Variants in GABBR2 observed in about 807,000 individuals in gnomAD.
GABBR2 encodes the protein gamma-aminobutyric acid type B receptor subunit 2.
A neutral mutation model predicts 105.6 loss-of-function variants in GABBR2; 23 were observed. The ratio of observed to expected loss-of-function variants is 0.22; its 90% CI spans 0.16 to 0.31. The LOEUF (loss-of-function observed/expected upper bound fraction) is 0.31, where lower values mean the gene tolerates loss of function less well. Ranked by LOEUF, GABBR2 falls within the 10% of genes least tolerant of loss-of-function variation. GABBR2 has a pLI of 1.00. For missense variants in GABBR2, 734 were observed against 1,245.5 expected, an observed-to-expected ratio of 0.59 and a Z score of 6.18; for synonymous variants, 478 against 499.7, an observed-to-expected ratio of 0.96 and a Z score of 0.58.
chr9:98,630,339 CACTCAATGAGAG>C (rs1441468972), intron 1 of GABBR2, among the ~76,000 whole-genome samples: 3 of 152,182 alleles, frequency 2.0e-5, no homozygotes, highest in Non-Finnish European at 2.9e-5. Flanking sequence ...TAGGCAAGAT[CACTCAATGAGAG>C]ATGAGGTTGG....
chr9:98,501,144 C>A (rs1226648840), intron 3 of GABBR2, among the ~76,000 whole-genome samples: 4 of 138,842 alleles, frequency 2.9e-5, no homozygotes, highest in African/African-American at 1.0e-4. Flanking sequence ...CCTTCCCCGC[C>A]CCCTGCTCCT....
At chr9:98,411,255 C>T (rs1289254166) in intron 7 of GABBR2, among the ~76,000 whole-genome samples, 1 of 152,214 alleles carries the variant, frequency 6.6e-6, no homozygotes, top group African/African-American at 2.4e-5. Flanking sequence ...CATAAAGCTG[C>T]ATTTTCTCCT....
intron 4 of GABBR2, among the ~76,000 whole-genome samples, chr9:98,494,924 T>C (rs1236096970): frequency 6.6e-6 from 1 of 152,240 alleles, no homozygotes; most frequent in Non-Finnish European, 1.5e-5. Flanking sequence ...CAGGGAGCTA[T>C]TTCAAGTGCC....
intron 5 of GABBR2, among the ~76,000 whole-genome samples, chr9:98,479,982 A>T (rs1320984990): frequency 1.3e-5 from 2 of 152,132 alleles, no homozygotes; most frequent in Non-Finnish European, 2.9e-5. Flanking sequence ...CAAACATTCC[A>T]ACCTGTTAAA....
chr9:98,527,647 C>T (rs566035764), intron 3 of GABBR2, among the ~76,000 whole-genome samples: 1 of 151,900 alleles, frequency 6.6e-6, no homozygotes, highest in Non-Finnish European at 1.5e-5. Flanking sequence ...TAAACCTAAC[C>T]GTTCATGGAA....
intron 17 of GABBR2, 27 bp from the exon 18 acceptor site, chr9:98,293,929 C>T: frequency 3.1e-6 from 4 of 1,282,062 alleles, no homozygotes; most frequent in Non-Finnish European, 4.5e-6. Context: ...AATACCACAA[C>T]ATGTTCGGTT....
Position 98,473,363 on chromosome 9 carries a change from G to A in GABBR2, c.799-17C>T, listed in dbSNP as rs774912833. 2.6e-5 allele frequency: 41 copies of A among 1,549,688 alleles called. No homozygotes were observed. In the East Asian group the frequency reaches 8.5e-4, roughly 32 times the overall value. On this transcript the variant is annotated splice_polypyrimidine_tract_variant and intron_variant, in intron 5 of 18. Coordinates refer to ENST00000259455, the MANE Select transcript of GABBR2 (RefSeq NM_005458.8). ...CTCGTATGCCTGTAAAAGATGGAGT[G>A]ACTATGAGGGCATTGAGAGTCGCAC...
chr9:98,359,638 C>T (rs1161710683), intron 13 of GABBR2, among the ~76,000 whole-genome samples: 1 of 152,156 alleles, frequency 6.6e-6, no homozygotes, highest in Non-Finnish European at 1.5e-5. Flanking sequence ...TCACTGCTTT[C>T]AGAGTCGACA....
At chr9:98,668,964 T>C (rs1830373163) in intron 1 of GABBR2, among the ~76,000 whole-genome samples, 2 of 151,888 alleles carry the variant, frequency 1.3e-5, no homozygotes, top group African/African-American at 4.8e-5. Flanking sequence ...AACACTTAGG[T>C]TGAGTCCCCT....
intron 1 of GABBR2, among the ~76,000 whole-genome samples, chr9:98,585,516 A>T (rs1829058944): frequency 1.3e-5 from 2 of 149,978 alleles, no homozygotes; most frequent in South Asian, 4.3e-4. Context: ...GGGGAGGGAT[A>T]GCATTAGGAG....
chr9:98,364,222 T>A (rs2572364), intron 12 of GABBR2, among the ~76,000 whole-genome samples: 3 of 152,028 alleles, frequency 2.0e-5, no homozygotes, highest in Non-Finnish European at 2.9e-5. Flanking sequence ...AGCTTAACTC[T>A]CACCCTCTGG....
chr9:98,309,040 C>T (rs1209573697), intron 14 of GABBR2, among the ~76,000 whole-genome samples: 1 of 152,158 alleles, frequency 6.6e-6, no homozygotes, highest in Non-Finnish European at 1.5e-5. Context: ...GTGTGCTTCT[C>T]CCAGCCTTGA....
At chr9:98,441,059 A>G (rs1224064265) in intron 7 of GABBR2, among the ~76,000 whole-genome samples, 2 of 152,260 alleles carry the variant, frequency 1.3e-5, no homozygotes, top group Non-Finnish European at 2.9e-5. Flanking sequence ...TAATTGTACT[A>G]TTTACTTTAA....
chr9:98,410,323 G>A (rs148062432), intron 7 of GABBR2, among the ~76,000 whole-genome samples: 10 of 152,172 alleles, frequency 6.6e-5, no homozygotes, highest in African/African-American at 1.4e-4. Context: ...TCTGGCCGGG[G>A]TGGGGGCTGA....
intron 1 of GABBR2, among the ~76,000 whole-genome samples, chr9:98,613,792 C>T (rs749479377): frequency 3.3e-5 from 5 of 152,136 alleles, no homozygotes; most frequent in East Asian, 1.9e-4. Flanking sequence ...TCACCATATG[C>T]GCTAAGTACA....
At chr9:98,667,520 C>G (rs1830352147) in intron 1 of GABBR2, among the ~76,000 whole-genome samples, 1 of 152,166 alleles carries the variant, frequency 6.6e-6, no homozygotes, top group South Asian at 2.1e-4. Flanking sequence ...CATCCAGTAA[C>G]TATTTGACAT....
At chr9:98,542,072 T>C in intron 2 of GABBR2, 29 bp from the exon 3 acceptor site, 2 of 1,599,604 alleles carry the variant, frequency 1.3e-6, no homozygotes, top group Middle Eastern at 1.7e-4. Flanking sequence ...ACAACGCTTT[T>C]TACTGATGAG....
chr9:98,617,977 A>G (rs868532160), intron 1 of GABBR2, among the ~76,000 whole-genome samples: 2 of 152,188 alleles, frequency 1.3e-5, no homozygotes, highest in African/African-American at 4.8e-5. Context: ...CATCTATCCA[A>G]TTGGCTTCTC....
chr9:98,443,465 T>A (rs1359272788), intron 7 of GABBR2, among the ~76,000 whole-genome samples: 1 of 152,214 alleles, frequency 6.6e-6, no homozygotes, highest in African/African-American at 2.4e-5. Flanking sequence ...GTGCTGTACA[T>A]TGTCTGCAGT....
Sources: allele counts gnomAD v4.1 joint callset (sites outside exome capture counted in the v4.1 genomes callset), GRCh38; gene constraint gnomAD v4.1.1; transcripts MANE v1.5; gene names NCBI Gene and HGNC (gene_info 2026-07-23, HGNC 2026-07-21).